The following ANO10 variants were observed in gnomAD, a reference collection of about 807,000 sequenced individuals.
ANO10 encodes the protein anoctamin 10, also known as anoctamin-10.
A neutral mutation model predicts 74.7 loss-of-function variants in ANO10; 77 were observed. The ratio of observed to expected loss-of-function variants is 1.03; its 90% CI spans 0.86 to 1.25. The LOEUF (loss-of-function observed/expected upper bound fraction) is 1.25, where lower values mean the gene tolerates loss of function less well. ANO10 is among the 50% of genes most tolerant of loss of function. The pLI is 0.00. For synonymous variants in ANO10, 279 were observed against 284.9 expected, an observed-to-expected ratio of 0.98 and a Z score of 0.21; for missense variants, 721 against 778.1, an observed-to-expected ratio of 0.93 and a Z score of 0.87.
At chr3:43,512,512 G>A (rs1481603895) in intron 11 of ANO10, among the ~76,000 whole-genome samples, 3 of 152,094 alleles carry the variant, frequency 2.0e-5, no homozygotes, top group African/African-American at 7.2e-5. Flanking sequence ...CAAAGTGTGA[G>A]TGGGCCACAA....
At chr3:43,566,474 C>G (rs559489669) in intron 7 of ANO10, among the ~76,000 whole-genome samples, 1 of 152,184 alleles carries the variant, frequency 6.6e-6, no homozygotes, top group Non-Finnish European at 1.5e-5. Flanking sequence ...TCTCCCAGCA[C>G]GCAGCTGGAG....
intron 11 of ANO10, among the ~76,000 whole-genome samples, chr3:43,548,681 C>G (rs533838131): frequency 2.0e-5 from 3 of 152,312 alleles, no homozygotes; most frequent in African/African-American, 7.2e-5. Flanking sequence ...CTCCTAAGTT[C>G]TGCTTTTATA....
chr3:43,556,909 G>C (rs1469978394), intron 9 of ANO10, among the ~76,000 whole-genome samples: 2 of 152,070 alleles, frequency 1.3e-5, no homozygotes, highest in Non-Finnish European at 1.5e-5. Flanking sequence ...AAAGAAAATG[G>C]TCATTATTTA....
intron 12 of ANO10, among the ~76,000 whole-genome samples, chr3:43,414,365 T>A (rs181882577): frequency 6.6e-6 from 1 of 152,316 alleles, no homozygotes; most frequent in African/African-American, 2.4e-5. Flanking sequence ...ATATGTTTAA[T>A]ATTATTAATA....
At chr3:43,496,530 C>G (rs771386834) in intron 11 of ANO10, among the ~76,000 whole-genome samples, 5 of 151,858 alleles carry the variant, frequency 3.3e-5, no homozygotes, top group African/African-American at 4.8e-5. Flanking sequence ...ATCTTCCAAG[C>G]TCAAGCAATC....
At chr3:43,523,147 A>G (rs2149220982) in intron 11 of ANO10, among the ~76,000 whole-genome samples, 1 of 152,248 alleles carries the variant, frequency 6.6e-6, no homozygotes, top group Middle Eastern at 3.4e-3. Context: ...CCAATATTCA[A>G]ACCTGTCAAC....
At chr3:43,682,677 C>T (rs573054037) in intron 1 of ANO10, among the ~76,000 whole-genome samples, 4 of 152,232 alleles carry the variant, frequency 2.6e-5, no homozygotes, top group African/African-American at 9.6e-5. Context: ...TCCAAAAATC[C>T]TCAATAAAAT....
chr3:43,509,265 G>A (rs2077420167), intron 11 of ANO10, among the ~76,000 whole-genome samples: 2 of 151,654 alleles, frequency 1.3e-5, no homozygotes, highest in Non-Finnish European at 2.9e-5. Flanking sequence ...TATACCTAAT[G>A]TAAATAATGA....
intron 1 of ANO10, among the ~76,000 whole-genome samples, chr3:43,661,801 G>C (rs2083930038): frequency 6.6e-6 from 1 of 152,094 alleles, no homozygotes. Flanking sequence ...GATCAAAAGA[G>C]ACAAAGAAGG....
rs374590299 is a variant in ANO10 at position 43,498,781 on chromosome 3, C to T, written c.1797+50939G>A. Among the ~76,000 whole-genome samples, 641 of 152,256 alleles carry T rather than the reference C, an allele frequency of 4.2e-3. 6 individuals carry two copies. Among genetic ancestry groups the T allele is most frequent in the African/African-American group, 0.014 (584 of 41,540 alleles). On this transcript the variant is annotated intron_variant, in intron 11 of 12. Transcript: ENST00000292246. ...CAGTCAAAATATGAATGGGACTGTC[C>T]TTTTCAGCAGGTAGGGTAAGAGGGG... is the stretch of plus-strand genomic sequence containing the variant.
At chr3:43,655,850 C>T (rs1349375477) in intron 1 of ANO10, among the ~76,000 whole-genome samples, 1 of 78,108 alleles carries the variant, frequency 1.3e-5, no homozygotes, top group Non-Finnish European at 2.7e-5. Flanking sequence ...TAAAGGTTCT[C>T]CACGTCCCCA....
At chr3:43,547,133 A>G (rs2079230941) in intron 11 of ANO10, among the ~76,000 whole-genome samples, 1 of 152,220 alleles carries the variant, frequency 6.6e-6, no homozygotes, top group South Asian at 2.1e-4. Flanking sequence ...AGAAGGAAAT[A>G]CCAAAATGTT....
intron 1 of ANO10, among the ~76,000 whole-genome samples, chr3:43,641,605 T>C (rs1214934108): frequency 5.3e-5 from 8 of 152,224 alleles, no homozygotes; most frequent in Non-Finnish European, 4.4e-5. Context: ...TTTCAACAAA[T>C]GCATTTGACT....
intron 12 of ANO10, among the ~76,000 whole-genome samples, chr3:43,392,802 A>C (rs2092303030): frequency 6.6e-6 from 1 of 151,994 alleles, no homozygotes; most frequent in African/African-American, 2.4e-5. Context: ...TAAGTTGTCT[A>C]TCCTGGTTGC....
Position 43,509,396 on chromosome 3 carries a change from G to C in ANO10, c.1797+40324C>G, listed in dbSNP as rs139941821. On this transcript the variant is annotated intron_variant, in intron 11 of 12. Transcript: ENST00000292246. ...AAGAAATAAAATGGGCAAAAACATA[G>C]ACATTTCACTGAAGAGGATTCAGCA... Among the ~76,000 whole-genome samples the C allele has an allele frequency of 1.3e-3, 191 of 152,148 alleles. 1 individual carries two copies. The highest frequency in any genetic ancestry group is 1.7e-3 in the Non-Finnish European group (117 of 68,006).
chr3:43,415,726 G>C (rs187312618), intron 12 of ANO10, among the ~76,000 whole-genome samples: 1 of 152,052 alleles, frequency 6.6e-6, no homozygotes, highest in East Asian at 2.0e-4. Context: ...ATTTTTAGTA[G>C]AGACAGAGTT....
At chr3:43,636,112 C>T (rs2083607763) in intron 1 of ANO10, among the ~76,000 whole-genome samples, 1 of 151,990 alleles carries the variant, frequency 6.6e-6, no homozygotes, top group South Asian at 2.1e-4. Flanking sequence ...CAAGTGCAAG[C>T]TGTTTATTTG....
chr3:43,541,073 T>C lies in ANO10; in HGVS notation c.1797+8647A>G, dbSNP rs189668245. The stretch of plus-strand genomic sequence containing the variant: ...GAGGAAGAAAAAAAACCCAGTTCCA[T>C]AATTCTATTCAAAAGCACCCTAATC... On this transcript the variant is annotated intron_variant, in intron 11 of 12. Coordinates refer to ENST00000292246, the MANE Select transcript of ANO10 (RefSeq NM_018075.5). Among the ~76,000 whole-genome samples the C allele has an allele frequency of 2.0e-5, 3 of 152,260 alleles. No individual in the cohort carries two copies. In the East Asian group the frequency reaches 5.8e-4, roughly 29 times the overall value.
intron 9 of ANO10, among the ~76,000 whole-genome samples, chr3:43,556,846 T>G (rs1043570875): frequency 6.6e-6 from 1 of 152,158 alleles, no homozygotes; most frequent in African/African-American, 2.4e-5. Flanking sequence ...CAAATTGTAT[T>G]GAACATACCA....
Sources: gnomAD v4.1 joint callset for allele counts (sites outside exome capture counted in the v4.1 genomes callset) on GRCh38, gnomAD v4.1.1 for gene constraint, MANE v1.5 for transcripts, NCBI Gene and HGNC (gene_info 2026-07-23, HGNC 2026-07-21) for gene names.